OPRM1: variants seen among roughly 807,000 people sequenced by gnomAD.
The protein encoded by OPRM1 is mu-type opioid receptor.
A neutral mutation model predicts 31.8 loss-of-function variants in OPRM1; 27 were observed. The observed-to-expected ratio is 0.85, with a 90% CI of 0.63 to 1.17. The LOEUF is 1.17. Ranked by LOEUF, OPRM1 falls within the 50% of genes most tolerant of loss-of-function variation. The pLI is 0.00. For missense variants in OPRM1, 536 were observed against 511.1 expected, an observed-to-expected ratio of 1.05 and a Z score of -0.47; for synonymous variants, 196 against 189.9, an observed-to-expected ratio of 1.03 and a Z score of -0.26.
chr6:154,199,891 C>A, intron 3 of OPRM1: 1 of 1,614,150 alleles, frequency 6.2e-7, no homozygotes, highest in Non-Finnish European at 8.5e-7. Context: ...CAGCAGCAGA[C>A]AAACTGTTAA....
intron 3 of OPRM1, chr6:154,223,082 CA>C: frequency 9.7e-7 from 1 of 1,033,324 alleles, no homozygotes; most frequent in Non-Finnish European, 1.5e-6. Flanking sequence ...TACCTTCACT[CA>C]CTTCTAAATC....
upstream of OPRM1, among the ~76,000 whole-genome samples, chr6:154,038,243 T>C: frequency 6.6e-6 from 1 of 152,190 alleles, no homozygotes. Context: ...GTATTTTCAA[T>C]GTTTATGGTT....
intron 3 of OPRM1, among the ~76,000 whole-genome samples, chr6:154,102,387 T>A (rs775294146): frequency 3.9e-5 from 6 of 152,280 alleles, no homozygotes; most frequent in Admixed American, 6.5e-5. Flanking sequence ...CCATCCAAAG[T>A]GTCAGGCAAC....
chr6:154,066,239 A>G (rs73788992), intron 1 of OPRM1, among the ~76,000 whole-genome samples: 2,876 of 152,134 alleles, frequency 0.019, 113 homozygotes, highest in African/African-American at 0.066. Context: ...CTTTTCTTGT[A>G]GTATCTTTGT....
chr6:154,032,068 T>C (rs1382257636), intron 1 of OPRM1, among the ~76,000 whole-genome samples: 4 of 152,170 alleles, frequency 2.6e-5, no homozygotes, highest in Admixed American at 6.5e-5. Flanking sequence ...TGTAGGAAGA[T>C]AGATCAGTTA....
At chr6:154,193,357 G>A (rs938730493) in intron 3 of OPRM1, among the ~76,000 whole-genome samples, 3 of 152,066 alleles carry the variant, frequency 2.0e-5, no homozygotes, top group African/African-American at 7.2e-5. Context: ...TTGGGGACTC[G>A]GGGGAAAGGA....
chr6:154,244,307 T>TGG (rs1780854343), intron 3 of OPRM1, among the ~76,000 whole-genome samples: 1 of 150,748 alleles, frequency 6.6e-6, no homozygotes, highest in Non-Finnish European at 1.5e-5. Flanking sequence ...GGTGGGTGTG[T>TGG]GTGTGTGTGT....
intron 3 of OPRM1, among the ~76,000 whole-genome samples, chr6:154,180,414 A>ATATATATATTTT (rs1241250621): frequency 3.7e-4 from 24 of 65,252 alleles, no homozygotes; most frequent in Non-Finnish European, 5.1e-4. Flanking sequence ...ATATATATAT[A>ATATATATATTTT]TTTTTTTTTT....
At chr6:154,088,529 G>A (rs1384550642) in intron 1 of OPRM1, among the ~76,000 whole-genome samples, 1 of 152,090 alleles carries the variant, frequency 6.6e-6, no homozygotes, top group African/African-American at 2.4e-5. Flanking sequence ...ACACTTATGG[G>A]TTTTTAAATA....
intron 3 of OPRM1, among the ~76,000 whole-genome samples, chr6:154,221,634 G>A (rs772215726): frequency 1.2e-4 from 18 of 152,088 alleles, no homozygotes; most frequent in Non-Finnish European, 2.2e-4. Flanking sequence ...AGCACTTTGG[G>A]AGGCCGAGGC....
chr6:154,225,760 A>C (rs1253494313), intron 3 of OPRM1, among the ~76,000 whole-genome samples: 3 of 152,250 alleles, frequency 2.0e-5, no homozygotes, highest in Non-Finnish European at 4.4e-5. Flanking sequence ...ACTTTCATCT[A>C]AATTTTAAGA....
intron 3 of OPRM1, among the ~76,000 whole-genome samples, chr6:154,244,309 T>TGG (rs72234428): frequency 6.6e-6 from 1 of 151,036 alleles, no homozygotes; most frequent in Non-Finnish European, 1.5e-5. Context: ...TGGGTGTGTG[T>TGG]GTGTGTGTGT....
chr6:154,010,899 C>A, exon 1 of OPRM1: 1 of 1,317,654 alleles, frequency 7.6e-7, no homozygotes, highest in Middle Eastern at 2.1e-4. Context: ...ATGAGAAGGA[C>A]CAGCCCTTAC....
intron 3 of OPRM1, chr6:154,109,098 C>T (rs1363391307): frequency 1.1e-6 from 1 of 926,022 alleles, no homozygotes; most frequent in Admixed American, 6.2e-5. Flanking sequence ...ATAGACAATA[C>T]ACTTCAGGAA....
intron 1 of OPRM1, among the ~76,000 whole-genome samples, chr6:154,014,791 T>C (rs1001220288): frequency 6.6e-6 from 1 of 152,010 alleles, no homozygotes; most frequent in Non-Finnish European, 1.5e-5. Flanking sequence ...AAATTAAAAT[T>C]CTCCAAAATA....
At chr6:154,173,798 T>G (rs932409457) in intron 3 of OPRM1, among the ~76,000 whole-genome samples, 1 of 152,092 alleles carries the variant, frequency 6.6e-6, no homozygotes, top group Non-Finnish European at 1.5e-5. Context: ...CAGGTCAACA[T>G]TCAAATTCAG....
At chr6:154,087,350 A>T (rs754764969) in intron 1 of OPRM1, 1 of 985,318 alleles carries the variant, frequency 1.0e-6, no homozygotes, top group Admixed American at 6.1e-5. Context: ...CCTCCAACCA[A>T]CAGCTGTCTT....
At chr6:154,039,974 G>A (rs1460239766) in intron 1 of OPRM1, 140 bp downstream of exon 1, 5 of 618,196 alleles carry the variant, frequency 8.1e-6, no homozygotes, top group African/African-American at 1.8e-5. Context: ...AGGAGACCAC[G>A]GACAGTGATT....
At chr6:154,088,600 A>G (rs1248858844) in intron 1 of OPRM1, among the ~76,000 whole-genome samples, 2 of 152,224 alleles carry the variant, frequency 1.3e-5, no homozygotes, top group African/African-American at 2.4e-5. Flanking sequence ...TAGTTTGCCA[A>G]TCTCTGATCT....
Sources: gnomAD v4.1 joint callset for allele counts (sites outside exome capture counted in the v4.1 genomes callset) on GRCh38, gnomAD v4.1.1 for gene constraint, MANE v1.5 for transcripts, NCBI Gene and HGNC (gene_info 2026-07-23, HGNC 2026-07-21) for gene names.